COL28A1: variants seen among roughly 807,000 people sequenced by gnomAD.
COL28A1 encodes collagen type XXVIII alpha 1 chain.
In COL28A1, 161 loss-of-function variants were observed where a neutral mutation model predicts 150.2. The ratio of observed to expected loss-of-function variants is 1.07; its 90% CI spans 0.94 to 1.22. The LOEUF (loss-of-function observed/expected upper bound fraction) is 1.22, where lower values mean the gene tolerates loss of function less well. Among genes scored for constraint, COL28A1 ranks in the 50% most tolerant of loss-of-function variants. COL28A1 has a pLI of 0.00. For synonymous variants in COL28A1, 552 were observed against 469.7 expected (o/e 1.18, Z -2.26); for missense variants, 1,617 against 1,388.3 (o/e 1.16, Z -2.62).
At chr7:7,460,467 C>T (rs967684600) in intron 15 of COL28A1, among the ~76,000 whole-genome samples, 2 of 151,938 alleles carry the variant, frequency 1.3e-5, no homozygotes, top group Admixed American at 6.6e-5. Context: ...CTGCAAGCTC[C>T]GCCTCCTGGG....
intron 33 of COL28A1, among the ~76,000 whole-genome samples, chr7:7,367,516 G>A (rs1051390348): frequency 1.3e-5 from 2 of 152,092 alleles, no homozygotes; most frequent in African/African-American, 4.8e-5. Flanking sequence ...CCACTATCTG[G>A]GTCAAAGTTC....
chr7:7,376,333 GAAC>G (rs1035020138), intron 30 of COL28A1, among the ~76,000 whole-genome samples: 29 of 152,306 alleles, frequency 1.9e-4, no homozygotes, highest in African/African-American at 6.5e-4. Flanking sequence ...AAATTTTTAA[GAAC>G]AAATCTATAA....
At chr7:7,412,285 GT>G (rs1296602648) in intron 27 of COL28A1, among the ~76,000 whole-genome samples, 2 of 152,054 alleles carry the variant, frequency 1.3e-5, no homozygotes, top group Non-Finnish European at 2.9e-5. Flanking sequence ...GGAAGACAAG[GT>G]TTTCTAAAAT....
At position 7,459,750 on chromosome 7, in the gene COL28A1, C is replaced by T. The variant is rs138761643; in HGVS notation, c.1303-3638G>A. ...GAAAGAGAAAAGCAATCCCTAACAA[C>T]GAGGAGCTGACCTGACCCTGGCAAG... is the stretch of plus-strand genomic sequence containing the variant. On this transcript the variant is annotated intron_variant, in intron 15 of 34. Coordinates refer to ENST00000399429, the MANE Select transcript of COL28A1 (RefSeq NM_001037763.3). Among the ~76,000 whole-genome samples, 118 of 152,258 alleles carry T rather than the reference C, an allele frequency of 7.7e-4. 1 individual carries two copies. The highest frequency in any genetic ancestry group is 2.6e-3 in the African/African-American group (108 of 41,560).
intron 18 of COL28A1, among the ~76,000 whole-genome samples, chr7:7,447,850 A>G (rs1172962705): frequency 6.6e-6 from 1 of 152,096 alleles, no homozygotes; most frequent in East Asian, 1.9e-4. Context: ...TGAACTGTGA[A>G]ATAACCTGAA....
chr7:7,422,102 C>A (rs1784411756), intron 25 of COL28A1, among the ~76,000 whole-genome samples: 1 of 152,230 alleles, frequency 6.6e-6, no homozygotes, highest in Non-Finnish European at 1.5e-5. Flanking sequence ...CTGACTGATT[C>A]ATACACTTTG....
At chr7:7,461,618 C>G (rs1562730383) in intron 15 of COL28A1, among the ~76,000 whole-genome samples, 1 of 152,090 alleles carries the variant, frequency 6.6e-6, no homozygotes, top group Non-Finnish European at 1.5e-5. Flanking sequence ...CTGGCTTTCC[C>G]CCACTTCCCT....
intron 11 of COL28A1, among the ~76,000 whole-genome samples, chr7:7,496,144 A>T (rs1036571561): frequency 6.6e-6 from 1 of 152,216 alleles, no homozygotes; most frequent in Admixed American, 6.5e-5. Context: ...TCACTATTTT[A>T]GTATTGATAG....
chr7:7,506,810 C>T (rs938200179), intron 10 of COL28A1, among the ~76,000 whole-genome samples: 8 of 152,126 alleles, frequency 5.3e-5, no homozygotes, highest in African/African-American at 1.9e-4. Context: ...TGCTTTTAAC[C>T]ACTTGACTTT....
chr7:7,344,499 C>T, the COL28A1 span, among the ~76,000 whole-genome samples: 2 of 152,102 alleles, frequency 1.3e-5, no homozygotes, highest in Non-Finnish European at 2.9e-5. Context: ...AGATAAAAAA[C>T]AGAAAATTTG....
intron 27 of COL28A1, among the ~76,000 whole-genome samples, chr7:7,402,793 G>A (rs2128299920): frequency 6.6e-6 from 1 of 152,308 alleles, no homozygotes; most frequent in East Asian, 1.9e-4. Flanking sequence ...AGGGGCTTTA[G>A]CTGTGATAGT....
intron 15 of COL28A1, among the ~76,000 whole-genome samples, chr7:7,459,460 C>G (rs73346330): frequency 6.6e-6 from 1 of 152,136 alleles, no homozygotes; most frequent in African/African-American, 2.4e-5. Flanking sequence ...AAACCCAGCA[C>G]TTGAGATAAT....
chr7:7,420,653 G>GT (rs200957157), intron 25 of COL28A1, among the ~76,000 whole-genome samples: 2,586 of 152,314 alleles, frequency 0.017, 27 homozygotes, highest in Non-Finnish European at 0.027. Context: ...TCTAGTTTAT[G>GT]TAACTTCTCT....
chr7:7,425,887 C>T (rs1784622449), intron 25 of COL28A1, among the ~76,000 whole-genome samples: 1 of 152,098 alleles, frequency 6.6e-6, no homozygotes, highest in African/African-American at 2.4e-5. Context: ...CCCATTATAC[C>T]TTATGAGTTT....
At chr7:7,354,220 C>T (rs1780297357), downstream of COL28A1, among the ~76,000 whole-genome samples, 1 of 151,978 alleles carries the variant, frequency 6.6e-6, no homozygotes, top group South Asian at 2.1e-4. Flanking sequence ...TCTGAAACTT[C>T]TGGGCTCAAG....
In COL28A1 at chr7:7,440,897, T is replaced by C. The variant is rs771717209; in HGVS notation, c.1651-36A>G. On this transcript the variant is annotated intron_variant, in intron 20 of 34. Transcript: ENST00000399429. ...AATTATGAAAATATAGATTTTCGTA[T>C]GGTATTAGCAACCTCCCCTAATCTA... The C allele has an allele frequency of 1.5e-5, 16 of 1,044,754 alleles. 1 individual carries two copies. The highest frequency in any genetic ancestry group is 1.5e-4 in the South Asian group (12 of 78,810). The allele number at this position is 1,044,754 out of a possible 1,614,324, so 64.7% of individuals were successfully genotyped here.
intron 9 of COL28A1, among the ~76,000 whole-genome samples, chr7:7,508,548 A>G (rs2115132013): frequency 6.6e-6 from 1 of 152,350 alleles, no homozygotes; most frequent in African/African-American, 2.4e-5. Flanking sequence ...AATCATTTCC[A>G]CTACCCGAGT....
chr7:7,430,902 G>A (rs755537833), intron 25 of COL28A1, among the ~76,000 whole-genome samples: 11 of 152,272 alleles, frequency 7.2e-5, no homozygotes, highest in South Asian at 6.2e-4. Context: ...ATCCTTCATC[G>A]AAGCACCTCG....
intron 13 of COL28A1, 80 bp from the exon 14 acceptor site, chr7:7,477,260 G>T: frequency 1.3e-6 from 1 of 775,198 alleles, no homozygotes; most frequent in East Asian, 2.5e-5. Flanking sequence ...GAAAGAGGAA[G>T]AAAGAGAATG....
Sources: gnomAD v4.1 joint callset for allele counts (sites outside exome capture counted in the v4.1 genomes callset) on GRCh38, gnomAD v4.1.1 for gene constraint, MANE v1.5 for transcripts, NCBI Gene and HGNC (gene_info 2026-07-23, HGNC 2026-07-21) for gene names.